LPA: variants seen among roughly 807,000 people sequenced by gnomAD.
The protein encoded by LPA is lipoprotein(a), also known as apolipoprotein(a).
In LPA, 199 loss-of-function variants were observed where a neutral mutation model predicts 197.9. The observed-to-expected ratio is 1.01, with a 90% CI of 0.90 to 1.13. The LOEUF (loss-of-function observed/expected upper bound fraction) is 1.13. LPA is among the 50% of genes most tolerant of loss of function. LPA has a pLI of 0.00. For synonymous variants in LPA, 715 were observed against 639.5 expected (o/e 1.12, Z -1.78); for missense variants, 1,853 against 1,785.8 (o/e 1.04, Z -0.68).
chr6:160,608,063 G>C (rs1336518421), intron 16 of LPA, among the ~76,000 whole-genome samples: 1 of 152,084 alleles, frequency 6.6e-6, no homozygotes, highest in Admixed American at 6.5e-5. Flanking sequence ...TAAATATATT[G>C]CTATCATTTT....
intron 28 of LPA, among the ~76,000 whole-genome samples, chr6:160,567,407 C>T (rs1268038557): frequency 2.6e-5 from 4 of 152,072 alleles, no homozygotes; most frequent in South Asian, 4.2e-4. Flanking sequence ...GGGTATGTAA[C>T]GAAATGAAGG....
At chr6:160,536,952 T>C (rs1386803731) in intron 37 of LPA, among the ~76,000 whole-genome samples, 3 of 152,108 alleles carry the variant, frequency 2.0e-5, no homozygotes, top group East Asian at 3.9e-4. Flanking sequence ...CATTTGAAAA[T>C]GCTGGTTTTA....
At chr6:160,566,844 C>T (rs928535718) in intron 28 of LPA, among the ~76,000 whole-genome samples, 6 of 152,098 alleles carry the variant, frequency 3.9e-5, no homozygotes, top group Admixed American at 3.9e-4. Context: ...GGTTGCAATC[C>T]TAGTCTCTGA....
chr6:160,546,925 T>A (rs1359276809), intron 32 of LPA, among the ~76,000 whole-genome samples: 2 of 152,076 alleles, frequency 1.3e-5, no homozygotes. Context: ...TGATGGCCCA[T>A]CCAAATCTTT....
At chr6:160,591,355 T>C (rs1241548365) in intron 22 of LPA, among the ~76,000 whole-genome samples, 1 of 152,200 alleles carries the variant, frequency 6.6e-6, no homozygotes, top group African/African-American at 2.4e-5. Context: ...AACATCAATG[T>C]GTACAAGAAA....
At chr6:160,540,268 T>G in intron 35 of LPA, 85 bp from the exon 36 acceptor site, 1 of 1,543,502 alleles carries the variant, frequency 6.5e-7, no homozygotes, top group South Asian at 1.1e-5. Flanking sequence ...GCTGTCCCTC[T>G]GACACCCTCG....
rs1222164427 is a variant in LPA at position 160,540,166 on chromosome 6, G to C, written c.5612C>G (p.Ser1871Cys). 1 of 1,614,034 alleles carries C rather than the reference G, an allele frequency of 6.2e-7. No homozygotes were observed. Among genetic ancestry groups the C allele is most frequent in the Non-Finnish European group, 8.5e-7 (1 of 1,180,032 alleles). The change falls in exon 36 of 39, where the codon TCC becomes TGC. Residue 1871 changes from serine to cysteine, a missense_variant. Physicochemically the swap from Ser to Cys is moderately radical, Grantham distance 112. Around this residue, in one of 3 missense-constraint regions of LPA, gnomAD observed 1,737 missense variants for 1,504.4 expected, o/e 1.15. Transcript: ENST00000316300. ...HCLKKSSRPS[S>C]YKVILGAHQE... ...GTGTGCACCCAGGATGACCTTGTAGGATGAAGGCCTTGAGGACCTAGAAAA... is the reference window on the plus strand; with the variant it reads ...GTGTGCACCCAGGATGACCTTGTAGCATGAAGGCCTTGAGGACCTAGAAAA...
intron 38 of LPA, 51 bp downstream of exon 38, chr6:160,532,480 T>C (rs1302248290): frequency 2.1e-6 from 3 of 1,412,536 alleles, no homozygotes; most frequent in East Asian, 2.3e-5. Context: ...TCTAAGGGAC[T>C]GAGACTGAGA....
At chr6:160,549,066 G>A (rs952816999) in intron 30 of LPA, among the ~76,000 whole-genome samples, 5 of 152,146 alleles carry the variant, frequency 3.3e-5, no homozygotes, top group African/African-American at 1.2e-4. Context: ...CGGCAGGACA[G>A]AGTAAGTGCA....
chr6:160,556,151 C>A lies in LPA; in HGVS notation c.4847G>T (p.Cys1616Phe). The A allele has an allele frequency of 6.2e-7, 1 of 1,613,908 alleles. No individual in the cohort carries two copies. Among genetic ancestry groups the A allele is most frequent in the Non-Finnish European group, 8.5e-7 (1 of 1,179,948 alleles). ...PTEQTPVVRQ[C>F]YHGNGQSYRG... ...ATAACTCTGGCCATTACCATGGTAG[C>A]ACTGCCGGACCACAGGGGTTTGCTC... Residue 1616 changes from cysteine (C) to phenylalanine (F), a missense_variant, in exon 30 of 39, where the codon TGC (cysteine) becomes TTC (phenylalanine). Physicochemically the swap from Cys to Phe is radical, Grantham distance 205. Transcript: ENST00000316300.
chr6:160,649,035 A>T (rs1182422832), intron 2 of LPA, among the ~76,000 whole-genome samples: 1 of 152,280 alleles, frequency 6.6e-6, no homozygotes, highest in South Asian at 2.1e-4. Flanking sequence ...ACCTCTAAAG[A>T]TGGTTGAGTT....
intron 28 of LPA, among the ~76,000 whole-genome samples, chr6:160,576,418 G>GTATA (rs1173500008): frequency 5.2e-4 from 13 of 24,992 alleles, no homozygotes; most frequent in African/African-American, 2.7e-3. Flanking sequence ...ATATATATGG[G>GTATA]TATATATATA....
intron 38 of LPA, among the ~76,000 whole-genome samples, chr6:160,532,215 C>T (rs1269365508): frequency 2.6e-5 from 4 of 152,146 alleles, no homozygotes; most frequent in African/African-American, 9.7e-5. Context: ...GTCCTGTACC[C>T]TCTACCTTCC....
chr6:160,570,666 C>T (rs1778546853), intron 28 of LPA, among the ~76,000 whole-genome samples: 1 of 152,074 alleles, frequency 6.6e-6, no homozygotes, highest in Non-Finnish European at 1.5e-5. Context: ...ATATTGGCCT[C>T]CCACTCTCTT....
intron 28 of LPA, among the ~76,000 whole-genome samples, chr6:160,562,561 A>G (rs1393062889): frequency 6.6e-6 from 1 of 152,182 alleles, no homozygotes; most frequent in East Asian, 1.9e-4. Flanking sequence ...AGGTTTTGGT[A>G]TCAGAATGAT....
At chr6:160,576,093 G>C (rs1455809453) in intron 28 of LPA, among the ~76,000 whole-genome samples, 1 of 151,820 alleles carries the variant, frequency 6.6e-6, no homozygotes, top group Non-Finnish European at 1.5e-5. Context: ...ACTATCTGTT[G>C]TGCAACTTGT....
chr6:160,584,071 CT>C lies in LPA; in HGVS notation c.4289+974del, dbSNP rs146646192. 9.0e-3 allele frequency among the ~76,000 whole-genome samples: 1,370 copies of C among 152,298 alleles called. 17 individuals carry two copies. The highest frequency in any genetic ancestry group is 0.031 in the African/African-American group (1,291 of 41,568). Reference sequence around the variant, plus strand: ...TCTCATCTGCATTCCTGCTTTTACTCTGCCTGACAACCCATATCCCTTCAGA... The same window carrying C: ...TCTCATCTGCATTCCTGCTTTTACTCGCCTGACAACCCATATCCCTTCAGA... On this transcript the variant is annotated intron_variant, in intron 26 of 38. Transcript: ENST00000316300.
chr6:160,641,006 A>G (rs1779841685), intron 4 of LPA, among the ~76,000 whole-genome samples, 158 bp from the exon 5 acceptor site: 1 of 136,172 alleles, frequency 7.3e-6, no homozygotes, highest in Admixed American at 7.1e-5. Flanking sequence ...ATGGCTCTCG[A>G]TCACTAATCC....
intron 26 of LPA, among the ~76,000 whole-genome samples, chr6:160,584,220 T>C (rs1206486161): frequency 8.5e-6 from 1 of 117,882 alleles, no homozygotes; most frequent in Non-Finnish European, 1.7e-5. Flanking sequence ...TTCTTCTTCT[T>C]CTTCTTCTTC....
Sources: gnomAD v4.1 joint callset for allele counts (sites outside exome capture counted in the v4.1 genomes callset) on GRCh38, gnomAD v4.1.1 for gene constraint, gnomAD v4.1.1 regional missense constraint, MANE v1.5 for transcripts, NCBI Gene and HGNC (gene_info 2026-07-23, HGNC 2026-07-21) for gene names.